GPC5: variants seen among roughly 807,000 people sequenced by gnomAD.
GPC5 encodes glypican 5.
Under a neutral mutation model 53.9 loss-of-function variants are expected in GPC5, and 47 were observed. The ratio of observed to expected loss-of-function variants is 0.87; its 90% CI spans 0.69 to 1.11. The LOEUF is 1.11. GPC5 is among the 50% of genes most tolerant of loss of function. GPC5 has a pLI of 0.00. For synonymous variants in GPC5, 286 were observed against 263.3 expected (o/e 1.09, Z -0.84); for missense variants, 748 against 713.1 (o/e 1.05, Z -0.56).
chr13:91,607,696 G>C (rs1463310154), intron 2 of GPC5, among the ~76,000 whole-genome samples: 1 of 152,120 alleles, frequency 6.6e-6, no homozygotes, highest in Admixed American at 6.5e-5. Flanking sequence ...GCCAATATAA[G>C]TGTGGCTTCG....
chr13:91,652,530 A>T (rs1248668505), intron 2 of GPC5, among the ~76,000 whole-genome samples: 1 of 152,140 alleles, frequency 6.6e-6, no homozygotes, highest in Non-Finnish European at 1.5e-5. Flanking sequence ...AGGACAGTGG[A>T]TCTGATTACC....
chr13:92,293,410 G>C (rs2043011391), intron 7 of GPC5, among the ~76,000 whole-genome samples: 1 of 134,148 alleles, frequency 7.5e-6, no homozygotes, highest in Non-Finnish European at 1.6e-5. Flanking sequence ...CCTAAGGTTG[G>C]TTGGTTGGTT....
At chr13:92,372,231 T>A (rs568452904) in intron 7 of GPC5, among the ~76,000 whole-genome samples, 18 of 152,146 alleles carry the variant, frequency 1.2e-4, no homozygotes, top group Non-Finnish European at 2.2e-4. Flanking sequence ...GAGGCTAAAT[T>A]TTTGGTAATT....
At chr13:91,477,176 T>C (rs1350800190) in intron 2 of GPC5, among the ~76,000 whole-genome samples, 1 of 152,228 alleles carries the variant, frequency 6.6e-6, no homozygotes, top group Non-Finnish European at 1.5e-5. Context: ...ATATATCTTT[T>C]GTAATATGTA....
At chr13:92,727,752 AT>A (rs1340962292) in intron 7 of GPC5, among the ~76,000 whole-genome samples, 2 of 151,248 alleles carry the variant, frequency 1.3e-5, no homozygotes, top group Non-Finnish European at 3.0e-5. Context: ...CTGACTCTCC[AT>A]TCATTTTCTA....
intron 2 of GPC5, among the ~76,000 whole-genome samples, chr13:91,586,569 GA>G (rs2032601494): frequency 2.0e-5 from 2 of 98,004 alleles, no homozygotes; most frequent in African/African-American, 1.2e-4. Flanking sequence ...TATGTAGAGA[GA>G]GAGAGAGAGA....
chr13:91,497,528 C>T (rs1243083328), intron 2 of GPC5, among the ~76,000 whole-genome samples: 1 of 152,238 alleles, frequency 6.6e-6, no homozygotes, highest in East Asian at 1.9e-4. Flanking sequence ...TTGCATTCAG[C>T]CTGACTGTAA....
At chr13:92,657,770 T>C (rs1242547707) in intron 7 of GPC5, among the ~76,000 whole-genome samples, 2 of 151,938 alleles carry the variant, frequency 1.3e-5, no homozygotes, top group African/African-American at 4.8e-5. Flanking sequence ...AAACAGGAAA[T>C]GGATTCTTCA....
chr13:91,541,899 T>C (rs910138360), intron 2 of GPC5, among the ~76,000 whole-genome samples: 1 of 151,750 alleles, frequency 6.6e-6, no homozygotes, highest in African/African-American at 2.4e-5. Flanking sequence ...TTTTCGTAAA[T>C]GGTGGAGTCT....
At chr13:92,832,802 G>A (rs1197102832) in intron 7 of GPC5, among the ~76,000 whole-genome samples, 8 of 152,286 alleles carry the variant, frequency 5.3e-5, no homozygotes, top group Admixed American at 3.9e-4. Context: ...GAGGTCAGGA[G>A]TTCGAGACCA....
intron 2 of GPC5, among the ~76,000 whole-genome samples, chr13:91,490,275 C>G (rs959884436): frequency 6.6e-6 from 1 of 152,036 alleles, no homozygotes; most frequent in Non-Finnish European, 1.5e-5. Context: ...TCAGTAGGTA[C>G]TTTTCTTGAA....
intron 6 of GPC5, among the ~76,000 whole-genome samples, chr13:92,002,777 A>T (rs1224131327): frequency 1.3e-5 from 2 of 152,220 alleles, no homozygotes; most frequent in African/African-American, 4.8e-5. Context: ...AGGCTGGTGT[A>T]TCTTAATTTC....
intron 7 of GPC5, among the ~76,000 whole-genome samples, chr13:92,774,661 C>G (rs1875734547): frequency 6.6e-6 from 1 of 152,092 alleles, no homozygotes. Context: ...TGAATCTAGT[C>G]CAATTCAGCA....
intron 1 of GPC5, among the ~76,000 whole-genome samples, chr13:91,435,549 G>A (rs1444709319): frequency 6.6e-6 from 1 of 152,186 alleles, no homozygotes; most frequent in African/African-American, 2.4e-5. Context: ...CTTGATCATG[G>A]TGGATAAGCT....
At chr13:92,625,283 G>A (rs961615159) in intron 7 of GPC5, among the ~76,000 whole-genome samples, 1 of 152,054 alleles carries the variant, frequency 6.6e-6, no homozygotes, top group Non-Finnish European at 1.5e-5. Context: ...ATAGTTATAT[G>A]TCCAGAAAAA....
intron 6 of GPC5, among the ~76,000 whole-genome samples, chr13:92,024,988 A>T (rs1023114096): frequency 5.9e-5 from 9 of 152,170 alleles, no homozygotes; most frequent in African/African-American, 2.2e-4. Context: ...ATTCCCTGTC[A>T]TCATACATCA....
In GPC5 at chr13:92,860,587, T is replaced by C. The variant is rs185037738; in HGVS notation, c.1562-5695T>C. 3.9e-5 allele frequency among the ~76,000 whole-genome samples: 6 copies of C among 152,234 alleles called. No individual in the cohort carries two copies. In the East Asian group the frequency reaches 1.2e-3, roughly 29 times the overall value. The stretch of plus-strand genomic sequence containing the variant: ...ATCTCAGATTTGTTAGAATCCTTAA[T>C]GTCCAGCCAAAATACATGTGGCTAA... On this transcript the variant is annotated intron_variant, in intron 7 of 7. Transcript: ENST00000377067.
chr13:92,114,730 G>A (rs190234844), intron 6 of GPC5, among the ~76,000 whole-genome samples: 2 of 152,228 alleles, frequency 1.3e-5, no homozygotes, highest in African/African-American at 2.4e-5. Flanking sequence ...TAGATATAAA[G>A]ATAGCCTTCC....
chr13:91,588,673 C>CT (rs2032687301), intron 2 of GPC5, among the ~76,000 whole-genome samples: 1 of 152,286 alleles, frequency 6.6e-6, no homozygotes, highest in African/African-American at 2.4e-5. Flanking sequence ...AGAGGGACCT[C>CT]TTTTCCTTTG....
Sources: allele counts gnomAD v4.1 joint callset (sites outside exome capture counted in the v4.1 genomes callset), GRCh38; gene constraint gnomAD v4.1.1; transcripts MANE v1.5; gene names NCBI Gene and HGNC (gene_info 2026-07-23, HGNC 2026-07-21).